The following MFN1 variants were observed in gnomAD, a reference collection of about 807,000 sequenced individuals.
MFN1 encodes the protein mitofusin 1, also known as mitofusin-1.
A neutral mutation model predicts 92.4 loss-of-function variants in MFN1; 65 were observed. The observed-to-expected ratio is 0.70, with a 90% CI of 0.58 to 0.86. MFN1 has a LOEUF of 0.86. Ranked by LOEUF, MFN1 falls within the 40% of genes least tolerant of loss-of-function variation. The probability of loss-of-function intolerance (pLI) is 0.00; values close to 1 mark genes in which losing one functional copy is unlikely to be tolerated. For synonymous variants in MFN1, 297 were observed against 300.9 expected (o/e 0.99, Z 0.13); for missense variants, 781 against 868.0 (o/e 0.90, Z 1.26).
At chr3:179,348,996 T>G in intron 2 of MFN1, 33 bp downstream of exon 2, 1 of 1,531,528 alleles carries the variant, frequency 6.5e-7, no homozygotes, top group Non-Finnish European at 8.9e-7. Context: ...AAGTAATTAC[T>G]GTTGAAAATA....
rs188149846 is a variant in MFN1 at position 179,384,977 on chromosome 3, C to G, written c.1663-592C>G. ...CTGGAGTGCAGTGGTGCAATCTCGG[C>G]TCACTGCAAGCTCTGCCTCCTGGGT... On this transcript the variant is annotated intron_variant, in intron 14 of 17. Coordinates refer to ENST00000471841, the MANE Select transcript of MFN1 (RefSeq NM_033540.3). 6.5e-5 allele frequency among the ~76,000 whole-genome samples: 9 copies of G among 138,964 alleles called. No homozygotes were observed. In the East Asian group the frequency reaches 1.9e-3, roughly 30 times the overall value. 91.2% of individuals were successfully genotyped at this position (138,964 alleles called of 152,430 possible).
intron 9 of MFN1, among the ~76,000 whole-genome samples, chr3:179,373,190 T>C (rs1050259480): frequency 2.6e-5 from 4 of 152,192 alleles, no homozygotes; most frequent in African/African-American, 7.2e-5. Context: ...AAATAATCTG[T>C]TTTGTTTTCT....
intron 7 of MFN1, 31 bp from the exon 8 acceptor site, chr3:179,367,408 T>C: frequency 6.3e-7 from 1 of 1,576,296 alleles, no homozygotes. Flanking sequence ...TTTAAATTAT[T>C]AGAATTCTTT....
chr3:179,362,479 A>T lies in MFN1; in HGVS notation c.533A>T (p.Asp178Val), dbSNP rs1438964015. The T allele has an allele frequency of 6.2e-7, 1 of 1,612,386 alleles. No homozygotes were observed. Among genetic ancestry groups the T allele is most frequent in the Non-Finnish European group, 8.5e-7 (1 of 1,179,424 alleles). Residue 178 changes from aspartate (D) to valine (V), a missense_variant, in exon 5 of 18, where the codon GAC becomes GTC. Physicochemically the swap from Asp to Val is radical, Grantham distance 152. Coordinates refer to ENST00000471841, the MANE Select transcript of MFN1 (RefSeq NM_033540.3). ...TTGAGAGATGACCTGGTGTTAGTAG[A>T]CAGGTAAAATTACATGTGGATTGCA... ...ALLRDDLVLV[D>V]SPGTDVTTEL...
At chr3:179,352,434 T>TA (rs1453796401) in intron 3 of MFN1, among the ~76,000 whole-genome samples, 1 of 152,242 alleles carries the variant, frequency 6.6e-6, no homozygotes, top group Non-Finnish European at 1.5e-5. Context: ...TTGTCTGAGA[T>TA]AACTATTTCC....
chr3:179,354,096 C>T (rs1712257535), intron 3 of MFN1, among the ~76,000 whole-genome samples: 1 of 152,202 alleles, frequency 6.6e-6, no homozygotes, highest in South Asian at 2.1e-4. Flanking sequence ...CATGAGACAG[C>T]TCCATTTAAA....
At position 179,378,740 on chromosome 3, in the gene MFN1, TC is replaced by T. The variant is rs1373331831; in HGVS notation, c.1591del (p.Val532TyrfsTer15). 6.2e-7 allele frequency: 1 copy of T among 1,614,100 alleles called. No individual in the cohort carries two copies. The highest frequency in any genetic ancestry group is 2.2e-5 in the East Asian group (1 of 44,860). On this transcript the variant is annotated frameshift_variant, in exon 14 of 18. Transcript: ENST00000471841. LOFTEE classifies it high-confidence loss of function. The part of the protein sequence containing the change: ...IVFRFSLGWS[S>X]LVHRFLGPRN... ...ATTTCGTTTTTCCCTGGGCTGGTCT[TC>T]CCTTGTACATCGATTTTTGGGCCCT...
At position 179,390,090 on chromosome 3, in the gene MFN1, A is replaced by G; in HGVS notation, c.2099A>G (p.Lys700Arg). 2 of 1,606,580 alleles carry G rather than the reference A, an allele frequency of 1.2e-6. No individual in the cohort carries two copies. Among genetic ancestry groups the G allele is most frequent in the African/African-American group, 2.7e-5 (2 of 74,760 alleles). ...QLEEEIARLPKEIDQLEKIQN... is the reference protein window; with the variant it reads ...QLEEEIARLPREIDQLEKIQN... ...GAAGAAGAAATTGCTAGATTACCCA[A>G]AGAAATAGATCAGTTGGAGAAAATA... Residue 700 changes from lysine to arginine, a missense_variant, in exon 17 of 18, where the codon AAA becomes AGA. Coordinates refer to ENST00000471841, the MANE Select transcript of MFN1 (RefSeq NM_033540.3).
At chr3:179,350,151 C>CA (rs796379073) in intron 2 of MFN1, among the ~76,000 whole-genome samples, 181 of 131,572 alleles carry the variant, frequency 1.4e-3, no homozygotes, top group South Asian at 5.1e-3. Context: ...GACTCCATTT[C>CA]AAAAAAAAAA....
chr3:179,376,313 G>T (rs933734312), intron 10 of MFN1, among the ~76,000 whole-genome samples: 3 of 152,162 alleles, frequency 2.0e-5, no homozygotes, highest in Non-Finnish European at 4.4e-5. Context: ...GTTCCTTCTA[G>T]CTCAGTTGCT....
chr3:179,379,971 A>G (rs917365166), intron 14 of MFN1, among the ~76,000 whole-genome samples: 1 of 152,250 alleles, frequency 6.6e-6, no homozygotes, highest in African/African-American at 2.4e-5. Flanking sequence ...TCATGCATTG[A>G]AAGAGTGGAT....
intron 9 of MFN1, among the ~76,000 whole-genome samples, chr3:179,372,082 T>C (rs527773312): frequency 6.8e-6 from 1 of 147,350 alleles, no homozygotes; most frequent in Non-Finnish European, 1.5e-5. Context: ...ATATAATACA[T>C]ATATAAATAT....
At chr3:179,347,968 G>C (rs1020784387) in intron 1 of MFN1, 158 bp downstream of exon 1, 2 of 152,310 alleles carry the variant, frequency 1.3e-5, no homozygotes, top group African/African-American at 4.8e-5. Context: ...CGGGCGAACG[G>C]GGCTGGCGGC....
intron 3 of MFN1, among the ~76,000 whole-genome samples, chr3:179,357,411 TAA>T (rs1712387880): frequency 6.6e-6 from 1 of 152,122 alleles, no homozygotes; most frequent in African/African-American, 2.4e-5. Flanking sequence ...AGATAAATCT[TAA>T]GAGAGATCCT....
chr3:179,383,217 C>CT (rs1713541084), intron 14 of MFN1, among the ~76,000 whole-genome samples: 6 of 152,190 alleles, frequency 3.9e-5, no homozygotes, highest in Admixed American at 3.9e-4. Flanking sequence ...ACATTTAAGT[C>CT]TTTAATGCAT....
At chr3:179,366,084 C>G (rs1712776569) in intron 7 of MFN1, among the ~76,000 whole-genome samples, 2 of 151,494 alleles carry the variant, frequency 1.3e-5, no homozygotes, top group South Asian at 4.2e-4. Context: ...TCTGAAGATA[C>G]TTTTTTTTTG....
chr3:179,393,018 A>T lies in MFN1; in HGVS notation c.*959A>T, dbSNP rs879787964. On this transcript the variant is annotated 3_prime_UTR_variant, in exon 18 of 18. Transcript: ENST00000471841. ...TATATTAAAAGCTGATTGAGTCTGT[A>T]CATATGTAAATTATGCCTAGTGGAG... is the stretch of plus-strand genomic sequence containing the variant. 6.6e-6 allele frequency: 1 copy of T among 152,216 alleles called. No individual in the cohort carries two copies. Among genetic ancestry groups the T allele is most frequent in the African/African-American group, 2.4e-5 (1 of 41,458 alleles). The allele number at this position is 152,216 out of a possible 1,614,324, so 9.4% of individuals were successfully genotyped here.
At chr3:179,386,696 G>C in intron 16 of MFN1, 67 bp downstream of exon 16, 1 of 1,404,412 alleles carries the variant, frequency 7.1e-7, no homozygotes, top group South Asian at 1.3e-5. Flanking sequence ...TGCAGAAAAA[G>C]CACAAAATAA....
intron 3 of MFN1, 109 bp downstream of exon 3, chr3:179,352,144 C>A (rs1712175245): frequency 1.7e-6 from 2 of 1,192,010 alleles, no homozygotes; most frequent in African/African-American, 1.5e-5. Flanking sequence ...CAAGTTTCTG[C>A]CTGTGTTGAA....
Sources: gnomAD v4.1 joint callset for allele counts (sites outside exome capture counted in the v4.1 genomes callset) on GRCh38, gnomAD v4.1.1 for gene constraint, MANE v1.5 for transcripts, NCBI Gene and HGNC (gene_info 2026-07-23, HGNC 2026-07-21) for gene names.